Variants in PRKCB observed in about 807,000 individuals in gnomAD.
PRKCB encodes protein kinase C beta type.
A neutral mutation model predicts 81.5 loss-of-function variants in PRKCB; 13 were observed. The ratio of observed to expected loss-of-function variants is 0.16; its 90% CI spans 0.10 to 0.25. The LOEUF is 0.25. Ranked by LOEUF, PRKCB falls within the 10% of genes least tolerant of loss-of-function variation. The pLI is 1.00. For synonymous variants in PRKCB, 335 were observed against 321.4 expected, an observed-to-expected ratio of 1.04 and a Z score of -0.45; for missense variants, 509 against 875.7, an observed-to-expected ratio of 0.58 and a Z score of 5.29.
In PRKCB at chr16:23,847,467, T is replaced by C. The variant is rs764854773; in HGVS notation, c.205+10061T>C. Among the ~76,000 whole-genome samples the C allele has an allele frequency of 1.1e-3, 109 of 103,094 alleles. 2 individuals are homozygous for C. Among genetic ancestry groups the C allele is most frequent in the Middle Eastern group, 5.4e-3 (1 of 184 alleles). The allele number at this position is 103,094 out of a possible 152,430, so 67.6% of individuals were successfully genotyped here. On this transcript the variant is annotated intron_variant, in intron 2 of 16. Coordinates refer to ENST00000643927, the MANE Select transcript of PRKCB (RefSeq NM_002738.7). ...ATCCATCCATCCATCCATCCATCCA[T>C]CCATCCATCCACCCAGCTATTCTTC... is the stretch of plus-strand genomic sequence containing the variant.
intron 8 of PRKCB, 100 bp from the exon 9 acceptor site, chr16:24,123,735 C>G: frequency 7.8e-7 from 1 of 1,274,568 alleles, no homozygotes; most frequent in Non-Finnish European, 1.1e-6. Flanking sequence ...GACAGGGTGC[C>G]GGAGCTGCAG....
chr16:23,957,005 A>AAAAAC, intron 2 of PRKCB, among the ~76,000 whole-genome samples: 1 of 150,450 alleles, frequency 6.6e-6, no homozygotes, highest in African/African-American at 2.4e-5. Context: ...AAAAAAAAAA[A>AAAAAC]AGAATATTAG....
intron 2 of PRKCB, among the ~76,000 whole-genome samples, chr16:23,976,021 A>G (rs1964620481): frequency 6.6e-6 from 1 of 152,192 alleles, no homozygotes; most frequent in African/African-American, 2.4e-5. Flanking sequence ...ATTCTCAAAA[A>G]AACTTTTCCT....
At chr16:23,957,754 T>C (rs923074166) in intron 2 of PRKCB, among the ~76,000 whole-genome samples, 1 of 152,148 alleles carries the variant, frequency 6.6e-6, no homozygotes, top group African/African-American at 2.4e-5. Context: ...CTGTGGTCAT[T>C]GAAGCTGAGT....
chr16:24,005,130 T>C (rs1170124757), intron 3 of PRKCB, among the ~76,000 whole-genome samples: 6 of 152,136 alleles, frequency 3.9e-5, no homozygotes, highest in Non-Finnish European at 7.4e-5. Flanking sequence ...ATGCTTAAAC[T>C]CTGTACATTA....
chr16:24,206,775 T>A (rs1000071044), intron 16 of PRKCB, among the ~76,000 whole-genome samples: 3 of 152,252 alleles, frequency 2.0e-5, no homozygotes, highest in African/African-American at 7.2e-5. Flanking sequence ...CTGCTAGATC[T>A]TAAGCTCAAC....
intron 5 of PRKCB, among the ~76,000 whole-genome samples, chr16:24,065,969 A>C (rs924737779): frequency 6.6e-6 from 1 of 151,842 alleles, no homozygotes; most frequent in Non-Finnish European, 1.5e-5. Context: ...TGATTTTGTC[A>C]GTCTTATTGT....
In PRKCB at chr16:24,180,955, A is replaced by T. The variant is rs201935088; in HGVS notation, c.1533+27A>T. On this transcript the variant is annotated intron_variant, in intron 13 of 16. Transcript: ENST00000643927. ...TGAGAGCTGCTGGGCACACGTTCAC[A>T]TTGCGGTGATGTACCCTCTGCTCCC... is the stretch of plus-strand genomic sequence containing the variant. 178 of 1,611,204 alleles carry T rather than the reference A, an allele frequency of 1.1e-4. 2 individuals are homozygous for T. The East Asian group carries it at 3.9e-3, about 36-fold the overall frequency.
chr16:24,021,231 T>TTTCTTTCTTTCC (rs1555491133), intron 3 of PRKCB, among the ~76,000 whole-genome samples: 3 of 13,600 alleles, frequency 2.2e-4, no homozygotes, highest in African/African-American at 7.8e-4. Flanking sequence ...TCTTTCTTTC[T>TTTCTTTCTTTCC]TTCCTTCCTT....
intron 16 of PRKCB, among the ~76,000 whole-genome samples, chr16:24,212,614 C>A (rs2141994525): frequency 6.6e-6 from 1 of 152,002 alleles, no homozygotes; most frequent in East Asian, 1.9e-4. Context: ...GTAGCTGGGA[C>A]TACAGGCATG....
intron 10 of PRKCB, among the ~76,000 whole-genome samples, chr16:24,162,714 A>G (rs1161074819): frequency 6.6e-6 from 1 of 152,018 alleles, no homozygotes; most frequent in Non-Finnish European, 1.5e-5. Flanking sequence ...TCAGCCTCCC[A>G]AAGTGTTGGA....
At chr16:24,042,643 TCAGCATGCCCAACATCA>T (rs969788140) in intron 5 of PRKCB, among the ~76,000 whole-genome samples, 2 of 151,976 alleles carry the variant, frequency 1.3e-5, no homozygotes, top group African/African-American at 4.8e-5. Context: ...CCCAAACACT[TCAGCATGCCCAACATCA>T]ATAGAATTCA....
chr16:24,087,820 C>T (rs1178432464), intron 5 of PRKCB, among the ~76,000 whole-genome samples: 1 of 152,124 alleles, frequency 6.6e-6, no homozygotes, highest in East Asian at 1.9e-4. Flanking sequence ...AGAACTTGGA[C>T]CAGAATGCAG....
chr16:23,836,115 A>T lies in PRKCB; in HGVS notation c.-61A>T. The T allele has an allele frequency of 8.9e-7, 1 of 1,128,156 alleles. No individual in the cohort carries two copies. Among genetic ancestry groups the T allele is most frequent in the Non-Finnish European group, 1.1e-6 (1 of 913,658 alleles). The allele number at this position is 1,128,156 out of a possible 1,614,324, so 69.9% of individuals were successfully genotyped here. A position where few individuals can be genotyped will look rare whatever the true frequency, so the allele number is the denominator to read the frequency against. ...CGCCTCCCGCGCCTCCCCGGCCCGC[A>T]GCCCGCGGTCCCGCGGCCCCGGGGC... On this transcript the variant is annotated 5_prime_UTR_variant, in exon 1 of 17. Transcript: ENST00000643927.
intron 2 of PRKCB, among the ~76,000 whole-genome samples, chr16:23,946,555 G>A (rs370418342): frequency 2.4e-4 from 36 of 152,292 alleles, no homozygotes; most frequent in African/African-American, 8.2e-4. Flanking sequence ...AAGATTTAAT[G>A]AGTTAAGTCC....
chr16:24,016,556 T>TA (rs1468049687), intron 3 of PRKCB, among the ~76,000 whole-genome samples: 1 of 152,074 alleles, frequency 6.6e-6, no homozygotes, highest in African/African-American at 2.4e-5. Flanking sequence ...TAAATGACAA[T>TA]AACTTTTCTG....
At chr16:23,872,025 G>A (rs1391905947) in intron 2 of PRKCB, among the ~76,000 whole-genome samples, 1 of 152,170 alleles carries the variant, frequency 6.6e-6, no homozygotes. Flanking sequence ...CACTCAGGGG[G>A]TGCTCAACAC....
chr16:23,874,626 G>A (rs911238462), intron 2 of PRKCB, among the ~76,000 whole-genome samples: 3 of 148,462 alleles, frequency 2.0e-5, no homozygotes, highest in Non-Finnish European at 3.0e-5. Flanking sequence ...ATTTATGGGA[G>A]CTTTCCTAAT....
In PRKCB at chr16:24,124,346, T is replaced by C. The variant is rs1474485440; in HGVS notation, c.1065+365T>C. Among the ~76,000 whole-genome samples, 3 of 152,096 alleles carry C rather than the reference T, an allele frequency of 2.0e-5. No individual in the cohort carries two copies. The East Asian group carries it at 5.8e-4, about 29-fold the overall frequency. On this transcript the variant is annotated intron_variant, in intron 9 of 16. Coordinates refer to ENST00000643927, the MANE Select transcript of PRKCB (RefSeq NM_002738.7). ...CATCAGAAGGTGTTGGGGCAAAATG[T>C]CACTAGCAGAAGGAGGTATAGGACG...
Sources: gnomAD v4.1 joint callset for allele counts (sites outside exome capture counted in the v4.1 genomes callset) on GRCh38, gnomAD v4.1.1 for gene constraint, MANE v1.5 for transcripts, NCBI Gene and HGNC (gene_info 2026-07-23, HGNC 2026-07-21) for gene names.